GABRG3: variants seen among roughly 807,000 people sequenced by gnomAD.
The protein encoded by GABRG3 is gamma-aminobutyric acid type A receptor subunit gamma3.
Under a neutral mutation model 48.8 loss-of-function variants are expected in GABRG3, and 25 were observed. The ratio of observed to expected loss-of-function variants is 0.51; its 90% CI spans 0.37 to 0.72. The LOEUF is 0.72. Among genes scored for constraint, GABRG3 ranks in the 30% least tolerant of loss-of-function variants. GABRG3 has a pLI of 0.00. For missense variants in GABRG3, 394 were observed against 577.9 expected, an observed-to-expected ratio of 0.68 and a Z score of 3.26; for synonymous variants, 227 against 217.6, an observed-to-expected ratio of 1.04 and a Z score of -0.38.
chr15:27,008,327 C>G (rs1046718918), intron 2 of GABRG3, among the ~76,000 whole-genome samples: 5 of 152,172 alleles, frequency 3.3e-5, no homozygotes, highest in African/African-American at 1.2e-4. Context: ...AAAAGAGTAA[C>G]TCACTCTCAA....
chr15:27,233,686 G>A (rs530388901), intron 3 of GABRG3, among the ~76,000 whole-genome samples: 3 of 152,236 alleles, frequency 2.0e-5, no homozygotes, highest in South Asian at 2.1e-4. Flanking sequence ...GGGAGGACAC[G>A]AACATTTAGT....
intron 3 of GABRG3, among the ~76,000 whole-genome samples, chr15:27,057,870 C>G (rs1217104298): frequency 6.6e-6 from 1 of 152,240 alleles, no homozygotes; most frequent in Non-Finnish European, 1.5e-5. Flanking sequence ...TGCACATCCA[C>G]TACCAGAAGG....
At chr15:27,454,145 T>C (rs958115454) in intron 5 of GABRG3, among the ~76,000 whole-genome samples, 1 of 152,212 alleles carries the variant, frequency 6.6e-6, no homozygotes, top group Non-Finnish European at 1.5e-5. Flanking sequence ...ACCTTGTTTA[T>C]GTGACTCCAG....
intron 3 of GABRG3, among the ~76,000 whole-genome samples, chr15:27,124,339 G>A (rs1051100539): frequency 2.0e-5 from 3 of 152,194 alleles, no homozygotes; most frequent in Admixed American, 6.5e-5. Flanking sequence ...GGGCAGCCCT[G>A]TGAGGTCTGA....
At chr15:27,305,550 CATAAT>C (rs951024818) in intron 3 of GABRG3, among the ~76,000 whole-genome samples, 43 of 140,870 alleles carry the variant, frequency 3.1e-4, no homozygotes, top group Admixed American at 2.7e-3. Flanking sequence ...TATATATAAA[CATAAT>C]ATAAACCTAC....
At chr15:27,052,125 C>G (rs1896465664) in intron 3 of GABRG3, among the ~76,000 whole-genome samples, 1 of 152,180 alleles carries the variant, frequency 6.6e-6, no homozygotes, top group Non-Finnish European at 1.5e-5. Flanking sequence ...TACCCGGCCA[C>G]AGATCGGGCG....
intron 6 of GABRG3, among the ~76,000 whole-genome samples, chr15:27,511,045 C>CT (rs2150858458): frequency 6.6e-6 from 1 of 152,208 alleles, no homozygotes; most frequent in South Asian, 2.1e-4. Context: ...ACACATTCCT[C>CT]TCTGGAAACA....
chr15:27,370,705 C>T (rs1373280050), intron 5 of GABRG3, among the ~76,000 whole-genome samples: 4 of 152,156 alleles, frequency 2.6e-5, no homozygotes, highest in African/African-American at 9.7e-5. Flanking sequence ...TAAAACAAGC[C>T]TGCAATGAAT....
chr15:27,093,957 A>G (rs568588834), intron 3 of GABRG3, among the ~76,000 whole-genome samples: 85 of 152,346 alleles, frequency 5.6e-4, no homozygotes, highest in African/African-American at 2.0e-3. Context: ...GACCATTCAC[A>G]TAAAAAATAA....
chr15:27,293,427 G>A (rs559694362), intron 3 of GABRG3, among the ~76,000 whole-genome samples: 5 of 152,226 alleles, frequency 3.3e-5, no homozygotes, highest in Non-Finnish European at 5.9e-5. Flanking sequence ...GGTGGCTCAC[G>A]CCTGTAATCC....
intron 3 of GABRG3, among the ~76,000 whole-genome samples, chr15:27,128,373 G>A (rs926678110): frequency 1.3e-5 from 2 of 152,142 alleles, no homozygotes; most frequent in African/African-American, 4.8e-5. Context: ...CAACCCATGA[G>A]TCAGTGCTTT....
chr15:27,089,072 G>A lies in GABRG3; in HGVS notation c.270+62251G>A, dbSNP rs891958133. Among the ~76,000 whole-genome samples, 47 of 152,106 alleles carry A rather than the reference G, an allele frequency of 3.1e-4. 1 individual carries two copies. The highest frequency in any genetic ancestry group is 1.1e-3 in the African/African-American group (45 of 41,418). On this transcript the variant is annotated intron_variant, in intron 3 of 9. Transcript: ENST00000615808. ...AGCAGAATGTCGGTTCTTAAGGCCTGGGCAATGACCAGGCACATCCTCTGG... is the reference window on the plus strand; with the variant it reads ...AGCAGAATGTCGGTTCTTAAGGCCTAGGCAATGACCAGGCACATCCTCTGG...
At chr15:27,142,929 A>G (rs1898132031) in intron 3 of GABRG3, among the ~76,000 whole-genome samples, 1 of 151,850 alleles carries the variant, frequency 6.6e-6, no homozygotes, top group Admixed American at 6.6e-5. Flanking sequence ...TAATTTTTGT[A>G]GTATTTGTAG....
chr15:27,517,629 T>C (rs949982227), intron 6 of GABRG3, among the ~76,000 whole-genome samples: 1 of 152,214 alleles, frequency 6.6e-6, no homozygotes. Context: ...GATGTTCCAT[T>C]TGGACTCTGC....
intron 5 of GABRG3, among the ~76,000 whole-genome samples, chr15:27,393,252 G>A (rs1331077814): frequency 6.6e-6 from 1 of 151,712 alleles, no homozygotes; most frequent in Non-Finnish European, 1.5e-5. Context: ...GCTGAGGCAG[G>A]AGAATGGCGT....
chr15:27,204,881 C>G (rs1201858828), intron 3 of GABRG3, among the ~76,000 whole-genome samples: 1 of 152,010 alleles, frequency 6.6e-6, no homozygotes, highest in Non-Finnish European at 1.5e-5. Context: ...ATTTTTTGTA[C>G]ATTGATTTTT....
At chr15:27,410,337 A>C (rs1009341053) in intron 5 of GABRG3, among the ~76,000 whole-genome samples, 31 of 152,178 alleles carry the variant, frequency 2.0e-4, no homozygotes, top group Non-Finnish European at 2.9e-5. Flanking sequence ...CAATTTATAA[A>C]AGATACTATA....
chr15:27,527,986 C>G lies in GABRG3; in HGVS notation c.1116C>G (p.Ala372=). The G allele has an allele frequency of 1.3e-6, 2 of 1,596,410 alleles. No individual in the cohort carries two copies. Among genetic ancestry groups the G allele is most frequent in the Non-Finnish European group, 1.7e-6 (2 of 1,169,728 alleles). The change falls in exon 9 of 10, where the codon GCC becomes GCG. Residue 372 remains alanine, a synonymous_variant. Coordinates refer to ENST00000615808, the MANE Select transcript of GABRG3 (RefSeq NM_033223.5). ...RWIPERISLQ[A]PSNYSLLDMR... The stretch of plus-strand genomic sequence containing the variant: ...TTCCTGAGCGAATAAGCCTACAAGC[C>G]CCTTCCGTACGTATAGCATTGCAGG...
chr15:26,971,499 G>A lies in GABRG3; in HGVS notation c.-37G>A, dbSNP rs1039927244. ...GCGCCGGAGGAAGCCGCGCCCGGCC[G>A]AGGCCCCGGACCCTGCGCCCCGAGC... On this transcript the variant is annotated 5_prime_UTR_variant, in exon 1 of 10. Transcript: ENST00000615808. The A allele has an allele frequency of 2.0e-6, 3 of 1,470,984 alleles. No homozygotes were observed. Among genetic ancestry groups the A allele is most frequent in the East Asian group, 2.9e-5 (1 of 34,240 alleles). The allele number at this position is 1,470,984 out of a possible 1,614,324, so 91.1% of individuals were successfully genotyped here.
Sources: gnomAD v4.1 joint callset for allele counts (sites outside exome capture counted in the v4.1 genomes callset) on GRCh38, gnomAD v4.1.1 for gene constraint, MANE v1.5 for transcripts, NCBI Gene and HGNC (gene_info 2026-07-23, HGNC 2026-07-21) for gene names.